MLLT3: variants seen among roughly 807,000 people sequenced by gnomAD.
The protein encoded by MLLT3 is protein AF-9.
In MLLT3, 4 loss-of-function variants were observed where a neutral mutation model predicts 53.2. That is an observed-to-expected ratio of 0.08 (90% CI 0.04 to 0.17). MLLT3 has a LOEUF of 0.17. MLLT3 is among the 10% of genes least tolerant of loss of function. MLLT3 has a pLI of 1.00. For synonymous variants in MLLT3, 283 were observed against 230.6 expected (o/e 1.23, Z -2.06); for missense variants, 569 against 684.0 (o/e 0.83, Z 1.87).
intron 2 of MLLT3, among the ~76,000 whole-genome samples, chr9:20,513,398 C>A (rs549410931): frequency 6.6e-6 from 1 of 152,084 alleles, no homozygotes; most frequent in African/African-American, 2.4e-5. Flanking sequence ...AAGCAACGTA[C>A]GACAAATTGG....
At chr9:20,553,345 G>C (rs996384343) in intron 2 of MLLT3, among the ~76,000 whole-genome samples, 1 of 152,176 alleles carries the variant, frequency 6.6e-6, no homozygotes, top group African/African-American at 2.4e-5. Context: ...GGAGGTAATA[G>C]TTGTTGAGTC....
intron 2 of MLLT3, among the ~76,000 whole-genome samples, chr9:20,598,905 G>C (rs1353552961): frequency 1.3e-5 from 2 of 152,162 alleles, no homozygotes; most frequent in Non-Finnish European, 2.9e-5. Context: ...TTAGGCTTCT[G>C]ATTAGGTTAA....
intron 5 of MLLT3, among the ~76,000 whole-genome samples, chr9:20,397,308 A>G (rs904768048): frequency 2.0e-5 from 3 of 152,180 alleles, no homozygotes. Flanking sequence ...TAACATAATT[A>G]GAAGAACAAC....
Position 20,354,664 on chromosome 9 carries a change from G to T in MLLT3, c.1503+144C>A. ...ATGGAAAACAAACTACAAAGCACTG[G>T]GATGAAATACTCATCATTTGGGCAT... On this transcript the variant is annotated intron_variant, in intron 9 of 10. Coordinates refer to ENST00000380338, the MANE Select transcript of MLLT3 (RefSeq NM_004529.4). 3 of 617,954 alleles carry T rather than the reference G, an allele frequency of 4.9e-6. No homozygotes were observed. In the South Asian group the frequency reaches 6.3e-5, roughly 13 times the overall value. 38.3% of individuals were successfully genotyped at this position (617,954 alleles called of 1,614,324 possible). A position where few individuals can be genotyped will look rare whatever the true frequency, so the allele number is the denominator to read the frequency against.
chr9:20,548,279 C>G (rs1024300025), intron 2 of MLLT3, among the ~76,000 whole-genome samples: 2 of 152,216 alleles, frequency 1.3e-5, no homozygotes, highest in Non-Finnish European at 2.9e-5. Flanking sequence ...GAAAAAGCAT[C>G]TATCTCATCA....
chr9:20,621,576 A>C lies in MLLT3; in HGVS notation c.12+669T>G, dbSNP rs1486600318. Among the ~76,000 whole-genome samples the C allele has an allele frequency of 6.6e-6, 1 of 151,138 alleles. No homozygotes were observed. Among genetic ancestry groups the C allele is most frequent in the Admixed American group, 6.6e-5 (1 of 15,240 alleles). ...AACCGAGCCCCCGCAACACACTTTC[A>C]AGAGCCCAAGTGGCTCCAAAGTATC... is the stretch of plus-strand genomic sequence containing the variant. On this transcript the variant is annotated intron_variant, in intron 1 of 10. Coordinates refer to ENST00000380338, the MANE Select transcript of MLLT3 (RefSeq NM_004529.4). The surrounding 1 kb of genome is among the most constrained non-coding windows in gnomAD (Gnocchi z 7.0).
chr9:20,609,160 C>G (rs1049247972), intron 2 of MLLT3, among the ~76,000 whole-genome samples: 11 of 151,936 alleles, frequency 7.2e-5, no homozygotes, highest in African/African-American at 2.4e-4. Context: ...GATAAATTAT[C>G]GGCTCTAGTC....
chr9:20,452,905 T>G (rs1337717717), intron 3 of MLLT3, among the ~76,000 whole-genome samples: 1 of 152,146 alleles, frequency 6.6e-6, no homozygotes, highest in African/African-American at 2.4e-5. Flanking sequence ...AAGTTTCAAT[T>G]AAGTAAGATG....
chr9:20,498,449 C>G (rs1446245055), intron 2 of MLLT3, among the ~76,000 whole-genome samples: 1 of 151,988 alleles, frequency 6.6e-6, no homozygotes, highest in Admixed American at 6.6e-5. Flanking sequence ...GATGAAGTGT[C>G]TATTCAAATC....
At chr9:20,506,930 T>C (rs1039672558) in intron 2 of MLLT3, among the ~76,000 whole-genome samples, 2 of 152,220 alleles carry the variant, frequency 1.3e-5, no homozygotes, top group Non-Finnish European at 2.9e-5. Context: ...TCACTTGCTA[T>C]TTAAGTAGGG....
chr9:20,447,413 G>A (rs1823732344), intron 4 of MLLT3, among the ~76,000 whole-genome samples: 1 of 152,204 alleles, frequency 6.6e-6, no homozygotes, highest in African/African-American at 2.4e-5. Context: ...TTCATGTGCA[G>A]TAGGAGCTGA....
intron 5 of MLLT3, among the ~76,000 whole-genome samples, chr9:20,382,832 G>T (rs1018907440): frequency 1.3e-5 from 2 of 151,858 alleles, no homozygotes; most frequent in African/African-American, 2.4e-5. Flanking sequence ...AGCCTGCAGG[G>T]TTTTATGAAG....
chr9:20,533,971 T>C (rs1227748824), intron 2 of MLLT3, among the ~76,000 whole-genome samples: 1 of 152,194 alleles, frequency 6.6e-6, no homozygotes, highest in Non-Finnish European at 1.5e-5. Context: ...ATATATAGCA[T>C]GGATGGTGAT....
intron 2 of MLLT3, among the ~76,000 whole-genome samples, chr9:20,579,829 G>A (rs548689514): frequency 1.3e-5 from 2 of 152,312 alleles, no homozygotes; most frequent in Admixed American, 6.5e-5. Flanking sequence ...GATCCACAGA[G>A]CTCAGTATGG....
At chr9:20,415,749 T>A (rs1020291211) in intron 4 of MLLT3, among the ~76,000 whole-genome samples, 2 of 152,064 alleles carry the variant, frequency 1.3e-5, no homozygotes, top group African/African-American at 4.8e-5. Context: ...AACAATCTAC[T>A]TATTGGGTAT....
chr9:20,455,192 A>T lies in MLLT3; in HGVS notation c.276+1512T>A, dbSNP rs573847533. ...ATTTGATTTGATGACAAATATGTCA[A>T]CGATTCAGTGGTATCACCACTAAGA... On this transcript the variant is annotated intron_variant, in intron 3 of 10. Transcript: ENST00000380338. Among the ~76,000 whole-genome samples the T allele has an allele frequency of 2.0e-4, 30 of 152,356 alleles. 3 individuals are homozygous for T. In the East Asian group the frequency reaches 3.1e-3, roughly 16 times the overall value.
chr9:20,566,409 G>A (rs911329006), intron 2 of MLLT3, among the ~76,000 whole-genome samples: 2 of 151,982 alleles, frequency 1.3e-5, no homozygotes, highest in Non-Finnish European at 2.9e-5. Context: ...AACAATACAC[G>A]CTTAGGACAA....
intron 5 of MLLT3, among the ~76,000 whole-genome samples, chr9:20,370,037 C>T (rs1042995552): frequency 2.6e-5 from 4 of 152,166 alleles, no homozygotes; most frequent in South Asian, 4.1e-4. Flanking sequence ...AAATGTTTTA[C>T]TACTTCTTGC....
chr9:20,362,704 C>T (rs922277440), intron 7 of MLLT3: 6 of 103,934 alleles, frequency 5.8e-5, no homozygotes, highest in African/African-American at 2.3e-4. Context: ...GGGTTAAGAC[C>T]GCTTTTTTTT....
Sources: gnomAD v4.1 joint callset for allele counts (sites outside exome capture counted in the v4.1 genomes callset) on GRCh38, gnomAD v4.1.1 for gene constraint, Gnocchi (gnomAD v3.1) non-coding constraint, MANE v1.5 for transcripts, NCBI Gene and HGNC (gene_info 2026-07-23, HGNC 2026-07-21) for gene names.